The following SIGLECL1 variants were observed in gnomAD, a reference collection of about 807,000 sequenced individuals.
SIGLECL1 encodes SIGLEC family-like protein 1.
In SIGLECL1, 16 loss-of-function variants were observed where a neutral mutation model predicts 19.1. That is an observed-to-expected ratio of 0.84 (90% CI 0.57 to 1.27). The LOEUF is 1.27. Ranked by LOEUF, SIGLECL1 falls within the 50% of genes most tolerant of loss-of-function variation. SIGLECL1 has a pLI of 0.00. For missense variants in SIGLECL1, 210 were observed against 239.4 expected, an observed-to-expected ratio of 0.88 and a Z score of 0.81; for synonymous variants, 89 against 90.4, an observed-to-expected ratio of 0.98 and a Z score of 0.09.
At chr19:51,248,161 C>G (rs989816595), upstream of SIGLECL1, among the ~76,000 whole-genome samples, 1 of 125,502 alleles carries the variant, frequency 8.0e-6, no homozygotes, top group African/African-American at 3.5e-5. Context: ...TCAAGATGGC[C>G]GCTCCATCTT....
At chr19:51,249,611 T>C (rs1161277785), upstream of SIGLECL1, among the ~76,000 whole-genome samples, 1 of 152,156 alleles carries the variant, frequency 6.6e-6, no homozygotes, top group Non-Finnish European at 1.5e-5. Flanking sequence ...AGGTCTCCCA[T>C]GTACCATAAA....
chr19:51,262,446 C>A (rs964194933), intron 1 of SIGLECL1, among the ~76,000 whole-genome samples: 6 of 152,094 alleles, frequency 3.9e-5, no homozygotes, highest in Admixed American at 3.9e-4. Flanking sequence ...ATATGAATAA[C>A]CTAGTGAATA....
intron 1 of SIGLECL1, among the ~76,000 whole-genome samples, chr19:51,259,219 CAGGCGAAACTTTGGATGAAAATTG>C (rs1432752937): frequency 1.3e-5 from 2 of 152,018 alleles, no homozygotes; most frequent in Non-Finnish European, 2.9e-5. Context: ...GGATGAGATT[CAGGCGAAACTTTGGATGAAAATTG>C]GAATGTTTGG....
chr19:51,249,588 T>C (rs995173904), upstream of SIGLECL1, among the ~76,000 whole-genome samples: 6 of 152,154 alleles, frequency 3.9e-5, no homozygotes, highest in Admixed American at 3.9e-4. Context: ...GAGACTGTTG[T>C]AATAGGGAGT....
intron 1 of SIGLECL1, among the ~76,000 whole-genome samples, chr19:51,262,520 T>C (rs112618225): frequency 1.5e-4 from 23 of 152,370 alleles, no homozygotes; most frequent in Non-Finnish European, 2.6e-4. Context: ...CATTTCTTCC[T>C]TTTTAATGTG....
At chr19:51,267,597 G>T (rs1007827309) in intron 5 of SIGLECL1, 68 bp downstream of exon 5, 10 of 1,562,908 alleles carry the variant, frequency 6.4e-6, no homozygotes, top group African/African-American at 1.4e-5. Context: ...AGGGAAAGGA[G>T]CACACAGTGT....
At chr19:51,265,909 G>T (rs748400401) in intron 4 of SIGLECL1, 27 bp downstream of exon 4, 3 of 1,607,964 alleles carry the variant, frequency 1.9e-6, no homozygotes, top group Non-Finnish European at 2.6e-6. Flanking sequence ...ATATTCACCC[G>T]CAAGCCTACT....
At chr19:51,257,409 CAAA>C (rs36025416) in intron 1 of SIGLECL1, among the ~76,000 whole-genome samples, 4 of 125,172 alleles carry the variant, frequency 3.2e-5, no homozygotes, top group Non-Finnish European at 1.8e-5. Context: ...GAAACTGTCT[CAAA>C]AAAAAAAAAA....
At chr19:51,247,287 A>G (rs1241652631), upstream of SIGLECL1, among the ~76,000 whole-genome samples, 1 of 152,238 alleles carries the variant, frequency 6.6e-6, no homozygotes, top group African/African-American at 2.4e-5. Flanking sequence ...TCAGGTGTCT[A>G]TCAGGGTGCA....
At chr19:51,256,609 T>C (rs1314491930) in intron 1 of SIGLECL1, among the ~76,000 whole-genome samples, 1 of 152,206 alleles carries the variant, frequency 6.6e-6, no homozygotes, top group Non-Finnish European at 1.5e-5. Flanking sequence ...ATGGTGACTA[T>C]GGTAAATAAC....
At position 51,265,774 on chromosome 19, in the gene SIGLECL1, C is replaced by A. The variant is rs765261641; in HGVS notation, c.305-3C>A. 2 of 1,614,044 alleles carry A rather than the reference C, an allele frequency of 1.2e-6. No individual in the cohort carries two copies. Among genetic ancestry groups the A allele is most frequent in the African/African-American group, 2.7e-5 (2 of 74,932 alleles). ...AAACTTCTCACATGCTCTCTGCTTC[C>A]AGGAAAGAGTTCTTTGGCTGCCCAG... On this transcript the variant is annotated splice_region_variant and splice_polypyrimidine_tract_variant and intron_variant, in intron 3 of 5. Coordinates refer to ENST00000601727, the MANE Select transcript of SIGLECL1 (RefSeq NM_001385465.1).
intron 1 of SIGLECL1, among the ~76,000 whole-genome samples, chr19:51,252,315 G>GA (rs1982541911): frequency 6.6e-6 from 1 of 150,652 alleles, no homozygotes; most frequent in Non-Finnish European, 1.5e-5. Context: ...AAAAAGAAAA[G>GA]AAAAGAAAAA....
intron 4 of SIGLECL1, among the ~76,000 whole-genome samples, chr19:51,267,025 T>C (rs1300483792): frequency 1.3e-5 from 2 of 152,102 alleles, no homozygotes; most frequent in Non-Finnish European, 2.9e-5. Context: ...GACTTGGGCA[T>C]GGCTGGCTAT....
chr19:51,256,994 A>G (rs1026695307), intron 1 of SIGLECL1, among the ~76,000 whole-genome samples: 3 of 152,178 alleles, frequency 2.0e-5, no homozygotes, highest in African/African-American at 7.2e-5. Context: ...TATTATATAT[A>G]TAAAGCTTTT....
intron 1 of SIGLECL1, among the ~76,000 whole-genome samples, chr19:51,254,451 C>T (rs546330698): frequency 5.3e-5 from 8 of 151,708 alleles, no homozygotes; most frequent in East Asian, 1.9e-4. Flanking sequence ...TATTATTCAA[C>T]GATAACAATG....
intron 4 of SIGLECL1, 66 bp downstream of exon 4, chr19:51,265,948 C>A: frequency 6.5e-7 from 1 of 1,529,534 alleles, no homozygotes; most frequent in Non-Finnish European, 9.0e-7. Flanking sequence ...GCAGCCCTGG[C>A]ACAGAGAGAG....
chr19:51,247,245 T>C (rs1178389210), upstream of SIGLECL1, among the ~76,000 whole-genome samples: 3 of 152,064 alleles, frequency 2.0e-5, no homozygotes, highest in East Asian at 5.8e-4. Flanking sequence ...CCTAGTCCAG[T>C]TTTGACAACC....
intron 1 of SIGLECL1, among the ~76,000 whole-genome samples, chr19:51,257,185 C>A (rs879363832): frequency 6.6e-6 from 1 of 151,974 alleles, no homozygotes; most frequent in Non-Finnish European, 1.5e-5. Context: ...GGTGGGAGGA[C>A]GGCTTGAGCC....
At chr19:51,252,772 A>C (rs997740815) in intron 1 of SIGLECL1, among the ~76,000 whole-genome samples, 2 of 152,100 alleles carry the variant, frequency 1.3e-5, no homozygotes, top group African/African-American at 4.8e-5. Flanking sequence ...ATGCCGAAAT[A>C]TGGAATAGGA....
Sources: allele counts gnomAD v4.1 joint callset (sites outside exome capture counted in the v4.1 genomes callset), GRCh38; gene constraint gnomAD v4.1.1; transcripts MANE v1.5; gene names NCBI Gene and HGNC (gene_info 2026-07-23, HGNC 2026-07-21).